Variants in DCDC2C observed in about 807,000 individuals in gnomAD.
The protein encoded by DCDC2C is doublecortin domain-containing protein 2C.
DCDC2C carries 44 observed loss-of-function variants against 45.0 expected under a neutral mutation model. The ratio of observed to expected loss-of-function variants is 0.98; its 90% CI spans 0.77 to 1.26. DCDC2C has a LOEUF of 1.26. Among genes scored for constraint, DCDC2C ranks in the 50% most tolerant of loss-of-function variants. DCDC2C has a pLI of 0.00. For synonymous variants in DCDC2C, 187 were observed against 178.8 expected, an observed-to-expected ratio of 1.05 and a Z score of -0.37; for missense variants, 447 against 468.9, an observed-to-expected ratio of 0.95 and a Z score of 0.43.
chr2:3,711,690 C>A (rs1668214390), intron 2 of DCDC2C, among the ~76,000 whole-genome samples: 1 of 151,840 alleles, frequency 6.6e-6, no homozygotes, highest in South Asian at 2.1e-4. Context: ...TTGAGCAGAT[C>A]TTTGCCTTTT....
At chr2:3,779,000 A>T in intron 9 of DCDC2C, 116 bp downstream of exon 9, 1 of 1,030,706 alleles carries the variant, frequency 9.7e-7, no homozygotes, top group Non-Finnish European at 1.4e-6. Flanking sequence ...CCAAAACACA[A>T]GCCAGCGCGG....
At chr2:3,780,545 TAGTCCTCAGGTA>T (rs1283743799) in intron 9 of DCDC2C, among the ~76,000 whole-genome samples, 1 of 152,198 alleles carries the variant, frequency 6.6e-6, no homozygotes, top group Non-Finnish European at 1.5e-5. Context: ...CCCAAGCACC[TAGTCCTCAGGTA>T]TCCGGGCCAA....
At chr2:3,834,375 T>A (rs1672023191) in intron 10 of DCDC2C, among the ~76,000 whole-genome samples, 1 of 152,232 alleles carries the variant, frequency 6.6e-6, no homozygotes, top group Admixed American at 6.5e-5. Flanking sequence ...AAACCTGTTG[T>A]AATCACTGTA....
intron 4 of DCDC2C, among the ~76,000 whole-genome samples, chr2:3,746,129 C>T (rs773004496): frequency 1.2e-4 from 18 of 152,218 alleles, no homozygotes; most frequent in South Asian, 2.1e-4. Flanking sequence ...AGAGCAGTCT[C>T]GGTCCTCAGC....
chr2:3,723,514 G>A (rs1167138369), intron 2 of DCDC2C, among the ~76,000 whole-genome samples: 1 of 152,224 alleles, frequency 6.6e-6, no homozygotes, highest in Admixed American at 6.5e-5. Context: ...CAGGGAGGCT[G>A]GGAGGGGTGC....
intron 10 of DCDC2C, among the ~76,000 whole-genome samples, chr2:3,806,847 C>T (rs1368153650): frequency 6.6e-6 from 1 of 152,086 alleles, no homozygotes; most frequent in Non-Finnish European, 1.5e-5. Flanking sequence ...GCGCCTGGCC[C>T]ATCTTTGAGT....
At chr2:3,785,220 C>T in intron 10 of DCDC2C, 120 bp downstream of exon 10, 1 of 634,574 alleles carries the variant, frequency 1.6e-6, no homozygotes, top group African/African-American at 1.9e-5. Flanking sequence ...ACTTTTATGC[C>T]TCTGTCATAC....
chr2:3,751,366 A>G lies in DCDC2C; in HGVS notation c.546-1397A>G, dbSNP rs563693295. ...CCAGCGGGAGGAGAACAGAATTCCAAGCATTGGGTTTCCCATGGAAGCCTC... is the reference window on the plus strand; with the variant it reads ...CCAGCGGGAGGAGAACAGAATTCCAGGCATTGGGTTTCCCATGGAAGCCTC... On this transcript the variant is annotated intron_variant, in intron 4 of 10. Coordinates refer to ENST00000399143, the MANE Select transcript of DCDC2C (RefSeq NM_001287444.2). 3.9e-5 allele frequency among the ~76,000 whole-genome samples: 6 copies of G among 152,330 alleles called. No individual in the cohort carries two copies. In the East Asian group the frequency reaches 1.2e-3, roughly 29 times the overall value.
chr2:3,726,735 C>G (rs1668697967), intron 2 of DCDC2C, among the ~76,000 whole-genome samples: 2 of 152,292 alleles, frequency 1.3e-5, no homozygotes, highest in South Asian at 4.2e-4. Flanking sequence ...CCCGTCAGCC[C>G]AGCCCCCGCA....
At chr2:3,752,605 G>A (rs572933395) in intron 4 of DCDC2C, 158 bp from the exon 5 acceptor site, 21 of 816,490 alleles carry the variant, frequency 2.6e-5, no homozygotes, top group Admixed American at 8.0e-5. Flanking sequence ...AGTTCCCGTC[G>A]GGTTTAATTG....
intron 10 of DCDC2C, among the ~76,000 whole-genome samples, chr2:3,823,482 G>A (rs34570679): frequency 0.21 from 31,711 of 151,878 alleles, 3,794 homozygotes; most frequent in African/African-American, 0.33. Context: ...ATGTCTTGTT[G>A]GTTTATGTTG....
intron 10 of DCDC2C, among the ~76,000 whole-genome samples, chr2:3,809,404 G>T (rs921584017): frequency 6.6e-6 from 1 of 152,076 alleles, no homozygotes; most frequent in African/African-American, 2.4e-5. Context: ...GTCTATTTTT[G>T]AAATGAGTGT....
intron 2 of DCDC2C, among the ~76,000 whole-genome samples, chr2:3,720,918 A>G (rs1668482069): frequency 6.6e-6 from 1 of 152,064 alleles, no homozygotes; most frequent in Non-Finnish European, 1.5e-5. Flanking sequence ...AAGAGTTTGA[A>G]CTACAAATTC....
intron 10 of DCDC2C, among the ~76,000 whole-genome samples, chr2:3,821,461 C>T (rs74617103): frequency 0.1 from 15,295 of 152,178 alleles, 1,038 homozygotes; most frequent in East Asian, 0.3. Context: ...GTTTGACTTC[C>T]TCCTGATCAT....
chr2:3,812,611 G>A (rs1671428128), intron 10 of DCDC2C, among the ~76,000 whole-genome samples: 1 of 151,866 alleles, frequency 6.6e-6, no homozygotes, highest in Admixed American at 6.6e-5. Context: ...GTTATTTCTT[G>A]TCTTCTGCCA....
chr2:3,739,894 C>T (rs1459298433), intron 3 of DCDC2C, among the ~76,000 whole-genome samples: 1 of 152,232 alleles, frequency 6.6e-6, no homozygotes, highest in African/African-American at 2.4e-5. Context: ...GAAACATTTA[C>T]CCCTAGATAC....
intron 10 of DCDC2C, among the ~76,000 whole-genome samples, chr2:3,795,346 G>A (rs1339367654): frequency 1.5e-4 from 2 of 13,370 alleles, no homozygotes; most frequent in South Asian, 7.6e-3. Context: ...AGTTTCTTTT[G>A]CTGTGCAGAA....
In DCDC2C at chr2:3,847,492, T is replaced by C. The variant is rs1460003631; in HGVS notation, c.*309T>C. On this transcript the variant is annotated 3_prime_UTR_variant, in exon 11 of 11. Transcript: ENST00000399143. ...GAAAAAACGTGTGTATATTTTCCCCTCATGATATTTTTTTCCTGGAATGTG... is the reference window on the plus strand; with the variant it reads ...GAAAAAACGTGTGTATATTTTCCCCCCATGATATTTTTTTCCTGGAATGTG... The C allele has an allele frequency of 4.5e-6, 1 of 223,192 alleles. No individual in the cohort carries two copies. Among genetic ancestry groups the C allele is most frequent in the East Asian group, 9.0e-5 (1 of 11,110 alleles). 13.8% of individuals were successfully genotyped at this position (223,192 alleles called of 1,614,324 possible). A position where few individuals can be genotyped will look rare whatever the true frequency, so the allele number is the denominator to read the frequency against.
At chr2:3,709,473 A>G (rs2148042819) in intron 2 of DCDC2C, among the ~76,000 whole-genome samples, 1 of 152,342 alleles carries the variant, frequency 6.6e-6, no homozygotes, top group Middle Eastern at 3.4e-3. Context: ...GTTCACAGGC[A>G]CCAGCTTCCA....
Sources: gnomAD v4.1 joint callset for allele counts (sites outside exome capture counted in the v4.1 genomes callset) on GRCh38, gnomAD v4.1.1 for gene constraint, MANE v1.5 for transcripts, NCBI Gene and HGNC (gene_info 2026-07-23, HGNC 2026-07-21) for gene names.